The following KRTCAP2 variants were observed in gnomAD, a reference collection of about 807,000 sequenced individuals.
The protein encoded by KRTCAP2 is keratinocyte associated protein 2, also known as dolichyl-diphosphooligosaccharide--protein glycosyltransferase subunit KCP2.
In KRTCAP2, 10 loss-of-function variants were observed where a neutral mutation model predicts 16.5. The observed-to-expected ratio is 0.60, with a 90% CI of 0.37 to 1.02. KRTCAP2 has a LOEUF of 1.02. Ranked by LOEUF, KRTCAP2 falls within the 50% of genes least tolerant of loss-of-function variation. The pLI, the probability that KRTCAP2 is intolerant of heterozygous loss-of-function variation, is 0.01. For missense variants in KRTCAP2, 152 were observed against 159.6 expected (o/e 0.95, Z 0.26); for synonymous variants, 68 against 69.8 (o/e 0.97, Z 0.13).
At chr1:155,173,125 G>A (rs746659085) in intron 1 of KRTCAP2, 96 bp downstream of exon 1, 381 of 1,172,126 alleles carry the variant, frequency 3.3e-4, no homozygotes, top group Non-Finnish European at 4.3e-4. Context: ...TGGAACCCAG[G>A]ACACGTCAGC....
intron 3 of KRTCAP2, 124 bp downstream of exon 3, chr1:155,172,441 G>C: frequency 6.4e-7 from 1 of 1,552,174 alleles, no homozygotes; most frequent in Non-Finnish European, 8.7e-7. Context: ...TCTGTCTTCA[G>C]ACAGCTTCAG....
rs538757076 is a variant in KRTCAP2, at chr1:155,173,268, G to T, written c.-44C>A. 1 of 1,614,062 alleles carries T rather than the reference G, an allele frequency of 6.2e-7. No homozygotes were observed. The highest frequency in any genetic ancestry group is 8.5e-7 in the Non-Finnish European group (1 of 1,180,044). On this transcript the variant is annotated 5_prime_UTR_variant, in exon 1 of 5. Coordinates refer to ENST00000295682, the MANE Select transcript of KRTCAP2 (RefSeq NM_173852.4). Reference sequence around the variant, plus strand: ...CCAACCGGCGCCTCTGGCCAAGAAAGGCGAGCTGAACCGGGTGCGGTTAGC... The same window carrying T: ...CCAACCGGCGCCTCTGGCCAAGAAATGCGAGCTGAACCGGGTGCGGTTAGC...
intron 3 of KRTCAP2, chr1:155,171,658 G>A (rs934815521): frequency 2.4e-6 from 2 of 819,886 alleles, no homozygotes; most frequent in African/African-American, 3.7e-5. Flanking sequence ...AGGAGTTCGA[G>A]ACCAGCCTGG....
At position 155,169,525 on chromosome 1, in the gene KRTCAP2, T is replaced by C. The variant is rs1229297585; in HGVS notation, c.326A>G (p.Asn109Ser). ...IFSMVGLYYI[N>S]KISSTLYQAA... Reference sequence around the variant, plus strand: ...CTGGTACAGGGTGGAGGAGATCTTGTTGATGTAGTACAGACCAACCATGGA... The same window carrying C: ...CTGGTACAGGGTGGAGGAGATCTTGCTGATGTAGTACAGACCAACCATGGA... Residue 109 changes from asparagine to serine, a missense_variant, in exon 5 of 5, where the codon AAC becomes AGC. Coordinates refer to ENST00000295682, the MANE Select transcript of KRTCAP2 (RefSeq NM_173852.4). 16 of 1,614,030 alleles carry C rather than the reference T, an allele frequency of 9.9e-6. No homozygotes were observed. In the African/African-American group the frequency reaches 1.2e-4, roughly 12 times the overall value.
At position 155,169,510 on chromosome 1, in the gene KRTCAP2, G is replaced by C; in HGVS notation, c.341C>G (p.Thr114Ser). 6.2e-7 allele frequency: 1 copy of C among 1,614,116 alleles called. No individual in the cohort carries two copies. The highest frequency in any genetic ancestry group is 1.1e-5 in the South Asian group (1 of 91,080). The stretch of plus-strand genomic sequence containing the variant: ...GACTGGAGCTGCTGCCTGGTACAGG[G>C]TGGAGGAGATCTTGTTGATGTAGTA... Reference protein sequence around the residue: ...GLYYINKISSTLYQAAAPVLT... With the variant: ...GLYYINKISSSLYQAAAPVLT... Residue 114 changes from threonine (T) to serine (S), a missense_variant, in exon 5 of 5, where the codon ACC (threonine) becomes AGC (serine). Coordinates refer to ENST00000295682, the MANE Select transcript of KRTCAP2 (RefSeq NM_173852.4).
Position 155,169,860 on chromosome 1 carries a change from A to C in KRTCAP2, c.224-3T>G. The C allele has an allele frequency of 6.3e-7, 1 of 1,582,644 alleles. No homozygotes were observed. Among genetic ancestry groups the C allele is most frequent in the Non-Finnish European group, 8.6e-7 (1 of 1,162,596 alleles). On this transcript the variant is annotated splice_polypyrimidine_tract_variant and splice_region_variant and intron_variant, in intron 3 of 4. Transcript: ENST00000295682. ...AGCCAACAGGAGGCACAGGAGAACT[A>C]GGGAGGCAAGAAGAACAAGGAGGGC...
intron 3 of KRTCAP2, chr1:155,172,345 A>G: frequency 4.4e-6 from 6 of 1,353,546 alleles, no homozygotes; most frequent in Non-Finnish European, 5.7e-6. Flanking sequence ...GCTGGCCAGA[A>G]GGTACCAAAG....
At chr1:155,170,450 G>GGAAAAGGA (rs1424003031) in intron 3 of KRTCAP2, 2 of 152,196 alleles carry the variant, frequency 1.3e-5, no homozygotes, top group African/African-American at 4.8e-5. Flanking sequence ...CCCATAAAAG[G>GGAAAAGGA]AAAAAGGAAA....
At chr1:155,172,712 G>A (rs764441625) in intron 2 of KRTCAP2, 26 bp downstream of exon 2, 3 of 1,614,106 alleles carry the variant, frequency 1.9e-6, no homozygotes, top group African/African-American at 1.3e-5. Flanking sequence ...TACGTGGCCC[G>A]CCCCCTCCAA....
rs1416345233 is a variant in KRTCAP2 at position 155,173,249 on chromosome 1, G to C, written c.-25C>G. Reference sequence around the variant, plus strand: ...TCATGCCCCGCCCGTGAGTCCAACCGGCGCCTCTGGCCAAGAAAGGCGAGC... The same window carrying C: ...TCATGCCCCGCCCGTGAGTCCAACCCGCGCCTCTGGCCAAGAAAGGCGAGC... On this transcript the variant is annotated 5_prime_UTR_variant, in exon 1 of 5. Coordinates refer to ENST00000295682, the MANE Select transcript of KRTCAP2 (RefSeq NM_173852.4). 15 of 1,613,928 alleles carry C rather than the reference G, an allele frequency of 9.3e-6. No homozygotes were observed. The highest frequency in any genetic ancestry group is 2.2e-5 in the South Asian group (2 of 91,070).
At chr1:155,171,334 G>A (rs867910375) in intron 3 of KRTCAP2, 1 of 428,316 alleles carries the variant, frequency 2.3e-6, no homozygotes, top group Non-Finnish European at 3.1e-6. Context: ...CAGGAGAATC[G>A]CTTGAACCTG....
At chr1:155,171,555 G>C (rs985219484) in intron 3 of KRTCAP2, 28 of 984,214 alleles carry the variant, frequency 2.8e-5, no homozygotes, top group Non-Finnish European at 3.3e-5. Context: ...AAGTCCTAGA[G>C]GGGGGCAAAG....
chr1:155,169,925 T>A, intron 3 of KRTCAP2, 68 bp from the exon 4 acceptor site: 2 of 1,059,678 alleles, frequency 1.9e-6, no homozygotes, highest in Non-Finnish European at 2.9e-6. Flanking sequence ...GCACATGGAG[T>A]CCAGGAGAAA....
intron 3 of KRTCAP2, chr1:155,172,059 T>C (rs1048151557): frequency 1.0e-4 from 102 of 991,424 alleles, no homozygotes; most frequent in Non-Finnish European, 1.2e-4. Flanking sequence ...ACATGAGCAA[T>C]TGAACAAGAA....
rs1190255590 is a variant in KRTCAP2 at position 155,173,216 on chromosome 1, G to C, written c.4+5C>G. On this transcript the variant is annotated splice_donor_5th_base_variant and intron_variant, in intron 1 of 4. Transcript: ENST00000295682. ...ACTTCCTGGGGACCCCACCGGTCCTGTTACCCATCATGCCCCGCCCGTGAG... is the reference window on the plus strand; with the variant it reads ...ACTTCCTGGGGACCCCACCGGTCCTCTTACCCATCATGCCCCGCCCGTGAG... The C allele has an allele frequency of 2.2e-5, 36 of 1,613,078 alleles. No homozygotes were observed. The highest frequency in any genetic ancestry group is 2.8e-5 in the Non-Finnish European group (33 of 1,179,710).
chr1:155,170,000 T>A, intron 3 of KRTCAP2, 143 bp from the exon 4 acceptor site: 1 of 605,498 alleles, frequency 1.7e-6, no homozygotes, highest in Non-Finnish European at 3.0e-6. Context: ...GCAGGAGGAT[T>A]CTGATTACCT....
chr1:155,172,926 GCTCCGCC>G, intron 1 of KRTCAP2, 34 bp from the exon 2 acceptor site: 1 of 1,607,616 alleles, frequency 6.2e-7, no homozygotes. Context: ...GGAGAGTCAG[GCTCCGCC>G]CTCCCTCCGG....
chr1:155,172,714 C>T (rs1236760931), intron 2 of KRTCAP2, 24 bp downstream of exon 2: 1 of 1,614,058 alleles, frequency 6.2e-7, no homozygotes, highest in Non-Finnish European at 8.5e-7. Flanking sequence ...CGTGGCCCGC[C>T]CCCTCCAACT....
Position 155,173,293 on chromosome 1 carries a change from C to T in KRTCAP2, c.-69G>A. 1 of 1,613,848 alleles carries T rather than the reference C, an allele frequency of 6.2e-7. No individual in the cohort carries two copies. Among genetic ancestry groups the T allele is most frequent in the African/African-American group, 1.3e-5 (1 of 75,062 alleles). Reference sequence around the variant, plus strand: ...GGCGAGCTGAACCGGGTGCGGTTAGCTATGCGCATGCGTCAGCGCTTACCG... The same window carrying T: ...GGCGAGCTGAACCGGGTGCGGTTAGTTATGCGCATGCGTCAGCGCTTACCG... On this transcript the variant is annotated 5_prime_UTR_variant, in exon 1 of 5. Transcript: ENST00000295682.
Sources: gnomAD v4.1 joint callset for allele counts on GRCh38, gnomAD v4.1.1 for gene constraint, MANE v1.5 for transcripts, NCBI Gene and HGNC (gene_info 2026-07-23, HGNC 2026-07-21) for gene names.